Variants in GRIN2A observed in about 807,000 individuals in gnomAD.
GRIN2A encodes glutamate receptor ionotropic, NMDA 2A.
A neutral mutation model predicts 113.4 loss-of-function variants in GRIN2A; 22 were observed. That is an observed-to-expected ratio of 0.19 (90% CI 0.14 to 0.28). The LOEUF is 0.28. Ranked by LOEUF, GRIN2A falls within the 10% of genes least tolerant of loss-of-function variation. The pLI is 1.00. For missense variants in GRIN2A, 1,502 were observed against 1,887.0 expected (o/e 0.80, Z 3.78); for synonymous variants, 827 against 738.4 (o/e 1.12, Z -1.94).
At chr16:10,112,615 G>A (rs1284923310) in intron 2 of GRIN2A, 6 of 769,604 alleles carry the variant, frequency 7.8e-6, no homozygotes, top group Non-Finnish European at 1.2e-5. Flanking sequence ...AAGTACTGGG[G>A]CATGGGCTCG....
chr16:9,836,523 A>G (rs1177487215), intron 7 of GRIN2A, among the ~76,000 whole-genome samples: 1 of 152,216 alleles, frequency 6.6e-6, no homozygotes, highest in Non-Finnish European at 1.5e-5. Flanking sequence ...CACGCTAGTC[A>G]GAAAATCAAG....
intron 2 of GRIN2A, among the ~76,000 whole-genome samples, chr16:10,175,468 G>C (rs987983482): frequency 6.6e-6 from 1 of 152,150 alleles, no homozygotes; most frequent in Admixed American, 6.5e-5. Flanking sequence ...ATACACCAAA[G>C]TGTCAGTAAT....
chr16:9,859,725 A>G (rs1471423665), intron 4 of GRIN2A, among the ~76,000 whole-genome samples: 1 of 151,912 alleles, frequency 6.6e-6, no homozygotes, highest in East Asian at 1.9e-4. Context: ...GCCTATGCCT[A>G]CACTATTTCT....
intron 2 of GRIN2A, among the ~76,000 whole-genome samples, chr16:10,129,696 TC>T (rs2049022991): frequency 6.6e-6 from 1 of 152,180 alleles, no homozygotes; most frequent in Admixed American, 6.5e-5. Flanking sequence ...ATTATGGTGC[TC>T]CTTCTAGGCC....
At chr16:10,174,979 C>A (rs1434047953) in intron 2 of GRIN2A, among the ~76,000 whole-genome samples, 1 of 152,154 alleles carries the variant, frequency 6.6e-6, no homozygotes, top group African/African-American at 2.4e-5. Flanking sequence ...AGATTATATT[C>A]TAAGTTTTTG....
At chr16:10,130,468 G>A (rs1286667212) in intron 2 of GRIN2A, among the ~76,000 whole-genome samples, 2 of 152,192 alleles carry the variant, frequency 1.3e-5, no homozygotes, top group Non-Finnish European at 2.9e-5. Context: ...CCCCTGAGTA[G>A]GCAGATGGGT....
intron 2 of GRIN2A, among the ~76,000 whole-genome samples, chr16:9,986,457 A>G (rs968743094): frequency 2.0e-5 from 3 of 152,166 alleles, no homozygotes; most frequent in African/African-American, 7.2e-5. Flanking sequence ...ACAATAACCA[A>G]AAGGCTCTTT....
intron 11 of GRIN2A, among the ~76,000 whole-genome samples, chr16:9,785,577 C>G (rs1219114369): frequency 6.9e-6 from 1 of 145,080 alleles, no homozygotes; most frequent in African/African-American, 2.6e-5. Context: ...TACCCTAAAA[C>G]TTAAAGTATA....
intron 2 of GRIN2A, among the ~76,000 whole-genome samples, chr16:10,061,730 T>C (rs2047553832): frequency 6.6e-6 from 1 of 152,158 alleles, no homozygotes; most frequent in Non-Finnish European, 1.5e-5. Context: ...CAGTGATGAA[T>C]AGAACATGTT....
At chr16:9,908,345 G>T (rs1265454422) in intron 3 of GRIN2A, among the ~76,000 whole-genome samples, 1 of 151,826 alleles carries the variant, frequency 6.6e-6, no homozygotes, top group Non-Finnish European at 1.5e-5. Context: ...GGAACTGCTG[G>T]GTGGAGGAGG....
At chr16:9,781,396 T>C (rs1007761461) in intron 11 of GRIN2A, among the ~76,000 whole-genome samples, 3 of 152,222 alleles carry the variant, frequency 2.0e-5, no homozygotes, top group Non-Finnish European at 4.4e-5. Flanking sequence ...GGTCTTGTTC[T>C]GTCACCCATG....
chr16:10,049,669 G>T (rs773321737), intron 2 of GRIN2A, among the ~76,000 whole-genome samples: 1 of 152,062 alleles, frequency 6.6e-6, no homozygotes, highest in African/African-American at 2.4e-5. Context: ...ATGAGTCACC[G>T]CGACCAGCCC....
rs182449208 is a variant in GRIN2A, at chr16:9,865,654, G to A, written c.1123-15693C>T. ...TATTCTGTAGGTTTTCAGTTCCTTA[G>A]GGTTAGATCACATGCATTCATCTTG... On this transcript the variant is annotated intron_variant, in intron 4 of 12. Transcript: ENST00000330684. Among the ~76,000 whole-genome samples, 203 of 152,228 alleles carry A rather than the reference G, an allele frequency of 1.3e-3. 2 individuals are homozygous for A. The highest frequency in any genetic ancestry group is 4.5e-3 in the African/African-American group (188 of 41,502).
intron 10 of GRIN2A, among the ~76,000 whole-genome samples, chr16:9,820,594 A>C (rs1348192894): frequency 6.6e-6 from 1 of 152,254 alleles, no homozygotes; most frequent in Non-Finnish European, 1.5e-5. Flanking sequence ...AAAGCACTGA[A>C]ATTACATGCA....
intron 2 of GRIN2A, among the ~76,000 whole-genome samples, chr16:10,151,687 C>A (rs529785820): frequency 6.6e-6 from 1 of 152,136 alleles, no homozygotes; most frequent in Non-Finnish European, 1.5e-5. Flanking sequence ...ATTACTATAA[C>A]AACCACTACC....
chr16:10,062,531 G>T (rs1435490280), intron 2 of GRIN2A, among the ~76,000 whole-genome samples: 2 of 152,080 alleles, frequency 1.3e-5, no homozygotes, highest in African/African-American at 4.8e-5. Context: ...AGCTTTCCAG[G>T]TGACTGACAC....
intron 7 of GRIN2A, among the ~76,000 whole-genome samples, chr16:9,837,780 G>A (rs2141334264): frequency 6.6e-6 from 1 of 152,238 alleles, no homozygotes; most frequent in East Asian, 1.9e-4. Context: ...GCATAGTGAG[G>A]CTCTCTTATT....
chr16:10,056,278 C>T (rs1567267210), intron 2 of GRIN2A, among the ~76,000 whole-genome samples: 1 of 152,210 alleles, frequency 6.6e-6, no homozygotes, highest in South Asian at 2.1e-4. Context: ...TTTACCCTTT[C>T]ACTCATCCAC....
At chr16:10,074,087 C>T (rs2047819578) in intron 2 of GRIN2A, among the ~76,000 whole-genome samples, 2 of 152,174 alleles carry the variant, frequency 1.3e-5, no homozygotes, top group Admixed American at 1.3e-4. Context: ...ACATTTCTTA[C>T]AAGATGGCAT....
Sources: gnomAD v4.1 joint callset for allele counts (sites outside exome capture counted in the v4.1 genomes callset) on GRCh38, gnomAD v4.1.1 for gene constraint, MANE v1.5 for transcripts, NCBI Gene and HGNC (gene_info 2026-07-23, HGNC 2026-07-21) for gene names.